The following DLC1 variants were observed in gnomAD, a reference collection of about 807,000 sequenced individuals.
DLC1 encodes rho GTPase-activating protein 7.
In DLC1, 54 loss-of-function variants were observed where a neutral mutation model predicts 140.3. The ratio of observed to expected loss-of-function variants is 0.38; its 90% confidence interval spans 0.31 to 0.48. The LOEUF is 0.48. Among genes scored for constraint, DLC1 ranks in the 20% least tolerant of loss-of-function variants. The pLI is 0.96. For missense variants in DLC1, 2,536 were observed against 1,907.0 expected, an observed-to-expected ratio of 1.33 and a Z score of -6.14; for synonymous variants, 986 against 728.1, an observed-to-expected ratio of 1.35 and a Z score of -5.70.
At chr8:13,144,413 G>A (rs79846645) in intron 5 of DLC1, among the ~76,000 whole-genome samples, 3,482 of 152,220 alleles carry the variant, frequency 0.023, 59 homozygotes, top group Non-Finnish European at 0.03. Context: ...TCCACCTTGC[G>A]GATGGTGTAT....
At chr8:13,422,527 A>G (rs1284974393) in intron 2 of DLC1, among the ~76,000 whole-genome samples, 2 of 152,070 alleles carry the variant, frequency 1.3e-5, no homozygotes, top group African/African-American at 4.8e-5. Flanking sequence ...ATATCCTAGA[A>G]AACTCTGCAC....
chr8:13,099,987 G>T lies in DLC1; in HGVS notation c.2350C>A (p.Gln784Lys), dbSNP rs936491189. 6 of 1,612,452 alleles carry T rather than the reference G, an allele frequency of 3.7e-6. 1 individual carries two copies. In the Admixed American group the frequency reaches 1.0e-4, roughly 27 times the overall value. ...MYLEGFDPFN[Q>K]STFNNVVEQN... is the part of the protein sequence containing the mutation. ...TCCACCACGTTGTTAAATGTTGACT[G>T]ATTGAAAGGATCGAAGCCCTCTAAG... The change falls in exon 9 of 18, where the codon CAG (glutamine) becomes AAG (lysine). Residue 784 changes from glutamine (Q) to lysine (K), a missense_variant. By Grantham distance (53) the Gln-to-Lys change is moderately conservative (BLOSUM62 1). Transcript: ENST00000276297.
intron 5 of DLC1, among the ~76,000 whole-genome samples, chr8:13,236,280 C>G (rs1415256017): frequency 6.6e-6 from 1 of 152,002 alleles, no homozygotes; most frequent in Non-Finnish European, 1.5e-5. Flanking sequence ...TTTCTATAGA[C>G]TTTAACGACT....
At chr8:13,422,798 T>TAA (rs200778195) in intron 2 of DLC1, among the ~76,000 whole-genome samples, 8 of 145,516 alleles carry the variant, frequency 5.5e-5, no homozygotes, top group Admixed American at 2.1e-4. Flanking sequence ...AACAACCAGC[T>TAA]AAAAAAAAAA....
chr8:13,137,074 A>G (rs1026624438), intron 5 of DLC1, among the ~76,000 whole-genome samples: 2 of 152,352 alleles, frequency 1.3e-5, no homozygotes, highest in East Asian at 3.9e-4. Flanking sequence ...GAGATGATTA[A>G]AACAAAATAA....
chr8:13,108,653 T>C (rs1819795189), intron 7 of DLC1, among the ~76,000 whole-genome samples: 1 of 152,196 alleles, frequency 6.6e-6, no homozygotes, highest in East Asian at 1.9e-4. Context: ...ACCCAAGAAT[T>C]CCTAAGCTAT....
chr8:13,349,759 T>A (rs1292423291), intron 4 of DLC1, among the ~76,000 whole-genome samples: 2 of 152,092 alleles, frequency 1.3e-5, no homozygotes, highest in Non-Finnish European at 2.9e-5. Context: ...AAGTGATCAA[T>A]CCAAGTGAAT....
chr8:13,125,254 G>T (rs886673492), intron 5 of DLC1, among the ~76,000 whole-genome samples: 2 of 152,240 alleles, frequency 1.3e-5, no homozygotes, highest in Admixed American at 1.3e-4. Context: ...TGGGATTACA[G>T]GCATGAGCCA....
At chr8:13,355,489 G>C (rs1834895872) in intron 4 of DLC1, among the ~76,000 whole-genome samples, 1 of 152,180 alleles carries the variant, frequency 6.6e-6, no homozygotes, top group African/African-American at 2.4e-5. Flanking sequence ...GCAGGGTTCT[G>C]CTTCTCGTGA....
intron 1 of DLC1, among the ~76,000 whole-genome samples, chr8:13,603,520 A>G (rs541131167): frequency 6.6e-6 from 1 of 152,030 alleles, no homozygotes; most frequent in African/African-American, 2.4e-5. Context: ...CCTTCCTTGC[A>G]AACTCTGGTA....
intron 4 of DLC1, 107 bp from the exon 5 acceptor site, chr8:13,305,409 A>C (rs2117520408): frequency 8.7e-6 from 10 of 1,153,658 alleles, no homozygotes; most frequent in Middle Eastern, 2.6e-4. Context: ...TAAATAGAGA[A>C]TGCCAATAGA....
intron 7 of DLC1, among the ~76,000 whole-genome samples, chr8:13,106,836 C>G (rs1418046829): frequency 6.6e-6 from 1 of 152,178 alleles, no homozygotes; most frequent in African/African-American, 2.4e-5. Context: ...TAGAAGGAGT[C>G]ATTTTTAATT....
chr8:13,344,453 G>A (rs528986294), intron 4 of DLC1, among the ~76,000 whole-genome samples: 2 of 152,234 alleles, frequency 1.3e-5, no homozygotes, highest in South Asian at 2.1e-4. Flanking sequence ...AGATCACGCC[G>A]TTGCACTCTA....
chr8:13,306,132 T>C (rs1832413879), intron 4 of DLC1, among the ~76,000 whole-genome samples: 2 of 152,148 alleles, frequency 1.3e-5, no homozygotes, highest in Admixed American at 1.3e-4. Context: ...GCGTACCAGA[T>C]CTTCAGGGAA....
At chr8:13,423,568 A>G (rs2117356874) in intron 2 of DLC1, among the ~76,000 whole-genome samples, 1 of 152,294 alleles carries the variant, frequency 6.6e-6, no homozygotes, top group Non-Finnish European at 1.5e-5. Context: ...TAGTATCTTC[A>G]GTACTAAGGA....
rs189648894 is a variant in DLC1 at position 13,582,645 on chromosome 8, G to A, written c.-126+21892C>T. On this transcript the variant is annotated intron_variant, in intron 1 of 1. Coordinates refer to the DLC1 transcript ENST00000631382. ...CTTTAGCCTGCAAACGGCCTATTGC[G>A]GGATCTTGTGATTGTGTGAGTTAAT... is the stretch of plus-strand genomic sequence containing the variant. 3.5e-4 allele frequency among the ~76,000 whole-genome samples: 53 copies of A among 151,684 alleles called. 1 individual carries two copies. Among genetic ancestry groups the A allele is most frequent in the South Asian group, 2.3e-3 (11 of 4,798 alleles).
At chr8:13,458,260 A>G (rs796170253) in intron 2 of DLC1, among the ~76,000 whole-genome samples, 5 of 152,294 alleles carry the variant, frequency 3.3e-5, no homozygotes, top group African/African-American at 1.2e-4. Context: ...ACTTTGATGG[A>G]GCAATTTTGG....
intron 4 of DLC1, among the ~76,000 whole-genome samples, chr8:13,343,982 T>G (rs1190550551): frequency 6.6e-6 from 1 of 152,186 alleles, no homozygotes; most frequent in East Asian, 1.9e-4. Context: ...GATACTAGAT[T>G]AGTATCATTT....
intron 5 of DLC1, among the ~76,000 whole-genome samples, chr8:13,204,194 A>G (rs1399250156): frequency 2.0e-5 from 3 of 152,202 alleles, no homozygotes; most frequent in African/African-American, 7.2e-5. Flanking sequence ...GTAATCTCCA[A>G]GGATTAGGAT....
Sources: gnomAD v4.1 joint callset for allele counts (sites outside exome capture counted in the v4.1 genomes callset) on GRCh38, gnomAD v4.1.1 for gene constraint, MANE v1.5 for transcripts, NCBI Gene and HGNC (gene_info 2026-07-23, HGNC 2026-07-21) for gene names.